The following LRP1B variants were observed in gnomAD, a reference collection of about 807,000 sequenced individuals.
LRP1B encodes LDL receptor related protein 1B, also known as low-density lipoprotein receptor-related protein 1B.
In LRP1B, 217 loss-of-function variants were observed where a neutral mutation model predicts 556.6. The ratio of observed to expected loss-of-function variants is 0.39; its 90% confidence interval spans 0.35 to 0.44. The LOEUF (loss-of-function observed/expected upper bound fraction) is 0.44, where lower values mean the gene tolerates loss of function less well. Ranked by LOEUF, LRP1B falls within the 20% of genes least tolerant of loss-of-function variation. The probability of loss-of-function intolerance (pLI) is 1.00; values close to 1 mark genes in which losing one functional copy is unlikely to be tolerated. For missense variants in LRP1B, 5,053 were observed against 5,620.8 expected (o/e 0.90, Z 3.23); for synonymous variants, 2,047 against 1,865.8 (o/e 1.10, Z -2.50).
intron 2 of LRP1B, among the ~76,000 whole-genome samples, chr2:141,714,592 C>G (rs1258531697): frequency 6.6e-6 from 1 of 150,896 alleles, no homozygotes; most frequent in African/African-American, 2.4e-5. Context: ...ATAATTTTCT[C>G]TCTTCAAAGA....
chr2:140,603,719 T>A (rs953593030), intron 41 of LRP1B, among the ~76,000 whole-genome samples: 12 of 152,248 alleles, frequency 7.9e-5, no homozygotes, highest in Admixed American at 4.6e-4. Context: ...ATAATCTGTT[T>A]TACTTTATTT....
At chr2:141,020,225 A>G (rs893391661) in intron 11 of LRP1B, 123 bp from the exon 12 acceptor site, 3 of 541,304 alleles carry the variant, frequency 5.5e-6, no homozygotes, top group Non-Finnish European at 8.8e-6. Context: ...GATCCATGAA[A>G]TCTTTATGGT....
chr2:140,317,507 T>C (rs934289587), intron 82 of LRP1B, among the ~76,000 whole-genome samples: 46 of 149,800 alleles, frequency 3.1e-4, no homozygotes, highest in African/African-American at 1.1e-3. Flanking sequence ...AGGGGTAGTT[T>C]TGAGGTGGCA....
rs149207939 is a variant in LRP1B at position 141,529,062 on chromosome 2, G to A, written c.206-48529C>T. Among the ~76,000 whole-genome samples, 545 of 152,228 alleles carry A rather than the reference G, an allele frequency of 3.6e-3. 22 individuals carry two copies. The East Asian group carries it at 0.077, about 22-fold the overall frequency. On this transcript the variant is annotated intron_variant, in intron 2 of 90. Coordinates refer to ENST00000389484, the MANE Select transcript of LRP1B (RefSeq NM_018557.3). The stretch of plus-strand genomic sequence containing the variant: ...GCCTGCATGATGATTATTAGTGTCC[G>A]ACACTTTTTACCTGAAACATGTTTG...
chr2:141,320,923 A>G (rs1687214413), intron 3 of LRP1B, among the ~76,000 whole-genome samples: 1 of 152,230 alleles, frequency 6.6e-6, no homozygotes, highest in Non-Finnish European at 1.5e-5. Context: ...AGGATTTATA[A>G]TAAGAATTGT....
intron 31 of LRP1B, among the ~76,000 whole-genome samples, chr2:140,831,954 A>C (rs963241624): frequency 1.3e-5 from 2 of 152,228 alleles, no homozygotes; most frequent in African/African-American, 4.8e-5. Flanking sequence ...AATGTCACAC[A>C]AAACTACAAT....
rs1697027046 is a variant in LRP1B, at chr2:140,989,598, T to G, written c.2704A>C (p.Arg902=). ...TCATTAGCTCCATCACAAAGCCATC[T>G]CTTGGGGATGCAGCGATTATTCTGG... ...KCQNNRCIPK[R]WLCDGANDCG... is the part of the protein sequence containing the mutation. The change falls in exon 17 of 91, where the codon AGA becomes CGA. Residue 902 remains arginine, a synonymous_variant. Coordinates refer to ENST00000389484, the MANE Select transcript of LRP1B (RefSeq NM_018557.3). The G allele has an allele frequency of 1.2e-6, 2 of 1,613,274 alleles. No homozygotes were observed. The highest frequency in any genetic ancestry group is 4.5e-5 in the East Asian group (2 of 44,808).
chr2:140,721,711 C>G (rs1365651413), intron 35 of LRP1B, among the ~76,000 whole-genome samples: 1 of 69,104 alleles, frequency 1.4e-5, no homozygotes, highest in South Asian at 5.4e-4. Context: ...GCACACCCGG[C>G]TATTTTTTTT....
intron 3 of LRP1B, among the ~76,000 whole-genome samples, chr2:141,271,587 A>G (rs1286301639): frequency 6.6e-6 from 1 of 151,912 alleles, no homozygotes; most frequent in African/African-American, 2.4e-5. Flanking sequence ...TAATATATTC[A>G]AAGTGCTGAA....
intron 77 of LRP1B, among the ~76,000 whole-genome samples, chr2:140,345,749 CACATATAT>C (rs1193535378): frequency 7.8e-5 from 10 of 128,286 alleles, no homozygotes; most frequent in South Asian, 6.8e-4. Context: ...CATATATATA[CACATATAT>C]ACATATATAC....
In LRP1B at chr2:141,282,596, A is replaced by C. The variant is rs530890803; in HGVS notation, c.344-27955T>G. On this transcript the variant is annotated intron_variant, in intron 3 of 90. Transcript: ENST00000389484. ...TTAGTCTTCCAGGAGATTTCAATAT[A>C]AAATGTGATGTAATTATATATATGT... 2.4e-4 allele frequency among the ~76,000 whole-genome samples: 36 copies of C among 151,934 alleles called. 1 individual carries two copies. In the South Asian group the frequency reaches 7.5e-3, roughly 32 times the overall value.
chr2:140,895,526 C>T lies in LRP1B; in HGVS notation c.3766+7394G>A, dbSNP rs565270828. 3.2e-4 allele frequency among the ~76,000 whole-genome samples: 48 copies of T among 152,234 alleles called. No homozygotes were observed. The East Asian group carries it at 8.7e-3, about 28-fold the overall frequency. On this transcript the variant is annotated intron_variant, in intron 23 of 90. Transcript: ENST00000389484. ...CACCTCACCGGCAGGAGCAGAACTCCGTGTGGCCCCTAGAGCCTCAGAAGG... is the reference window on the plus strand; with the variant it reads ...CACCTCACCGGCAGGAGCAGAACTCTGTGTGGCCCCTAGAGCCTCAGAAGG...
intron 3 of LRP1B, among the ~76,000 whole-genome samples, chr2:141,287,878 C>T (rs1311001491): frequency 6.6e-6 from 1 of 152,134 alleles, no homozygotes; most frequent in East Asian, 1.9e-4. Flanking sequence ...CCTATGATTA[C>T]ATAATTGTTT....
rs13002102 is a variant in LRP1B at position 141,133,580 on chromosome 2, C to G, written c.1013+54841G>C. Among the ~76,000 whole-genome samples, 11 of 151,910 alleles carry G rather than the reference C, an allele frequency of 7.2e-5. No individual in the cohort carries two copies. In the Middle Eastern group the frequency reaches 0.017, roughly 235 times the overall value. ...AAAGCAGGCAGAACTCTGCCTGGCACAGCATAAGCACCCTGTAAATATTCA... is the reference window on the plus strand; with the variant it reads ...AAAGCAGGCAGAACTCTGCCTGGCAGAGCATAAGCACCCTGTAAATATTCA... On this transcript the variant is annotated intron_variant, in intron 7 of 90. Transcript: ENST00000389484.
chr2:141,132,131 A>G (rs1484597528), intron 7 of LRP1B, among the ~76,000 whole-genome samples: 1 of 152,150 alleles, frequency 6.6e-6, no homozygotes, highest in East Asian at 1.9e-4. Context: ...ATTCATAATA[A>G]TACAGTTTCT....
At chr2:141,220,769 TAAAAAA>T (rs34002651) in intron 6 of LRP1B, among the ~76,000 whole-genome samples, 1 of 137,094 alleles carries the variant, frequency 7.3e-6, no homozygotes, top group Non-Finnish European at 1.6e-5. Flanking sequence ...TCAACATTCT[TAAAAAA>T]AAAAAAAAAA....
At chr2:140,373,718 G>A (rs1053074996) in intron 68 of LRP1B, among the ~76,000 whole-genome samples, 4 of 152,154 alleles carry the variant, frequency 2.6e-5, no homozygotes, top group South Asian at 2.1e-4. Context: ...GATGTAGTGC[G>A]CGATGATGGG....
chr2:142,097,676 T>A (rs1476789889), intron 1 of LRP1B, among the ~76,000 whole-genome samples: 1 of 151,516 alleles, frequency 6.6e-6, no homozygotes, highest in Non-Finnish European at 1.5e-5. Context: ...ACTGAAAAAA[T>A]ATGCTACCAC....
intron 2 of LRP1B, among the ~76,000 whole-genome samples, chr2:141,549,386 T>A (rs925947612): frequency 2.0e-5 from 3 of 152,134 alleles, no homozygotes; most frequent in Admixed American, 6.5e-5. Context: ...TAGAGTGTAA[T>A]CATATTACCA....
Sources: allele counts gnomAD v4.1 joint callset (sites outside exome capture counted in the v4.1 genomes callset), GRCh38; gene constraint gnomAD v4.1.1; transcripts MANE v1.5; gene names NCBI Gene and HGNC (gene_info 2026-07-23, HGNC 2026-07-21).